Variants in MCTP2 observed in about 807,000 individuals in gnomAD.
MCTP2 encodes the protein multiple C2 and transmembrane domain containing 2, also known as multiple C2 and transmembrane domain-containing protein 2.
In MCTP2, 132 loss-of-function variants were observed where a neutral mutation model predicts 111.6. The observed-to-expected ratio is 1.18, with a 90% confidence interval of 1.03 to 1.37. MCTP2 has a LOEUF of 1.37. Ranked by LOEUF, MCTP2 falls within the 40% of genes most tolerant of loss-of-function variation. MCTP2 has a pLI of 0.00. For missense variants in MCTP2, 1,183 were observed against 1,067.9 expected (o/e 1.11, Z -1.50); for synonymous variants, 395 against 387.7 (o/e 1.02, Z -0.22).
Position 94,401,907 on chromosome 15 carries a change from CAA to C in MCTP2, c.1974_1975del (p.Asp660CysfsTer19). 6.2e-7 allele frequency: 1 copy of C among 1,604,310 alleles called. No homozygotes were observed. Among genetic ancestry groups the C allele is most frequent in the Non-Finnish European group, 8.5e-7 (1 of 1,175,700 alleles). On this transcript the variant is annotated frameshift_variant, in exon 17 of 23. Transcript: ENST00000357742. LOFTEE classifies it high-confidence loss of function. Reference sequence around the variant, plus strand: ...GTCATTTTTTAAAATCAGATCTTATCAAGAGATGTGGACCGTGTGAAAAGAAT... The same window carrying C: ...GTCATTTTTTAAAATCAGATCTTATCGAGATGTGGACCGTGTGAAAAGAAT...
chr15:94,472,827 A>G (rs1013300778), intron 21 of MCTP2, among the ~76,000 whole-genome samples: 2 of 152,214 alleles, frequency 1.3e-5, no homozygotes, highest in African/African-American at 4.8e-5. Flanking sequence ...GACTTATCCT[A>G]AGACAAATTA....
chr15:94,342,046 G>A (rs1441986919), intron 7 of MCTP2: 1 of 152,088 alleles, frequency 6.6e-6, no homozygotes, highest in Non-Finnish European at 1.5e-5. Context: ...TGGGGGCTAG[G>A]TTATAGCATG....
chr15:94,249,259 C>A (rs528818590), intron 1 of MCTP2, among the ~76,000 whole-genome samples: 2 of 152,272 alleles, frequency 1.3e-5, no homozygotes, highest in Non-Finnish European at 2.9e-5. Flanking sequence ...CCTGTATTGG[C>A]TGTTGAATAA....
intron 17 of MCTP2, among the ~76,000 whole-genome samples, chr15:94,430,642 G>A (rs965049974): frequency 6.6e-6 from 1 of 151,860 alleles, no homozygotes; most frequent in Non-Finnish European, 1.5e-5. Flanking sequence ...CAGCTACTTG[G>A]GAGGCTGAGG....
At chr15:94,451,888 C>T (rs73453779) in intron 19 of MCTP2, among the ~76,000 whole-genome samples, 1 of 152,300 alleles carries the variant, frequency 6.6e-6, no homozygotes, top group African/African-American at 2.4e-5. Context: ...TCTTTTGTAG[C>T]TTTGCCTTCT....
At chr15:94,276,046 G>A (rs180949208) in intron 1 of MCTP2, among the ~76,000 whole-genome samples, 4,774 of 151,874 alleles carry the variant, frequency 0.031, 100 homozygotes, top group Non-Finnish European at 0.047. Flanking sequence ...GGATTTCACC[G>A]TGTTAGCCAG....
At chr15:94,430,602 G>A (rs1003582135) in intron 17 of MCTP2, among the ~76,000 whole-genome samples, 1 of 138,592 alleles carries the variant, frequency 7.2e-6, no homozygotes, top group Non-Finnish European at 1.5e-5. Flanking sequence ...AAAAAAATTA[G>A]CTGGGCGTCG....
intron 17 of MCTP2, among the ~76,000 whole-genome samples, chr15:94,430,690 G>A (rs1429316129): frequency 1.3e-5 from 2 of 152,088 alleles, no homozygotes; most frequent in African/African-American, 4.8e-5. Flanking sequence ...GGAGGTTGCA[G>A]TGAGTGAGCT....
chr15:94,340,988 A>G (rs1347679640), intron 7 of MCTP2, 64 bp downstream of exon 7: 2 of 1,017,270 alleles, frequency 2.0e-6, no homozygotes, highest in Non-Finnish European at 1.6e-6. Context: ...GCTCATTGCA[A>G]TTGTCCCTTG....
chr15:94,406,314 T>C (rs2081893531), intron 17 of MCTP2, among the ~76,000 whole-genome samples: 2 of 152,214 alleles, frequency 1.3e-5, no homozygotes, highest in Admixed American at 6.5e-5. Context: ...GTGTATGAGG[T>C]AGAGGTGGAA....
intron 1 of MCTP2, among the ~76,000 whole-genome samples, chr15:94,241,727 A>G (rs945749898): frequency 5.3e-5 from 8 of 152,190 alleles, no homozygotes; most frequent in African/African-American, 1.9e-4. Context: ...GTTTGAGCTA[A>G]GTCACTTTTT....
At chr15:94,311,805 A>G (rs1055072877) in intron 2 of MCTP2, among the ~76,000 whole-genome samples, 2 of 152,240 alleles carry the variant, frequency 1.3e-5, no homozygotes, top group Non-Finnish European at 2.9e-5. Flanking sequence ...TTTTGATAAC[A>G]TGTAAATGAT....
At chr15:94,331,665 G>T (rs976973913) in intron 4 of MCTP2, among the ~76,000 whole-genome samples, 1 of 152,130 alleles carries the variant, frequency 6.6e-6, no homozygotes, top group African/African-American at 2.4e-5. Context: ...CACTGATTTC[G>T]CTGTATATTG....
chr15:94,285,868 AT>A (rs1301450336), intron 1 of MCTP2, among the ~76,000 whole-genome samples: 2 of 152,180 alleles, frequency 1.3e-5, no homozygotes, highest in African/African-American at 4.8e-5. Context: ...CTATTAATGC[AT>A]TATGTTTCCT....
At chr15:94,245,287 T>G (rs190455712) in intron 1 of MCTP2, among the ~76,000 whole-genome samples, 1 of 141,930 alleles carries the variant, frequency 7.0e-6, no homozygotes, top group Non-Finnish European at 1.5e-5. Context: ...TATATACACA[T>G]ATGTATATAT....
chr15:94,268,076 C>T lies in MCTP2; in HGVS notation c.-65-30125C>T, dbSNP rs374974153. 6.0e-5 allele frequency among the ~76,000 whole-genome samples: 9 copies of T among 151,232 alleles called. 1 individual carries two copies. Among genetic ancestry groups the T allele is most frequent in the African/African-American group, 1.7e-4 (7 of 41,192 alleles). ...GAGATGAGGTTTTCACTGTGATAGC[C>T]AGGATGGTCTCAATCTCCTGACCTT... On this transcript the variant is annotated intron_variant, in intron 1 of 22. Coordinates refer to ENST00000357742, the MANE Select transcript of MCTP2 (RefSeq NM_001385001.1).
chr15:94,356,423 T>C (rs552435973), intron 9 of MCTP2, 122 bp downstream of exon 9: 8 of 882,422 alleles, frequency 9.1e-6, no homozygotes, highest in African/African-American at 5.2e-5. Context: ...CCTAACTATA[T>C]TAAAGAGCAG....
chr15:94,390,232 T>C (rs1366152254), intron 14 of MCTP2, among the ~76,000 whole-genome samples: 1 of 151,422 alleles, frequency 6.6e-6, no homozygotes, highest in East Asian at 1.9e-4. Flanking sequence ...GTTCTTTATA[T>C]AGATATAGAA....
intron 14 of MCTP2, among the ~76,000 whole-genome samples, chr15:94,388,239 A>G (rs530459370): frequency 1.3e-5 from 2 of 152,314 alleles, no homozygotes; most frequent in African/African-American, 4.8e-5. Context: ...TCTACCTTGT[A>G]AAATAGCACA....
Sources: allele counts gnomAD v4.1 joint callset (sites outside exome capture counted in the v4.1 genomes callset), GRCh38; gene constraint gnomAD v4.1.1; transcripts MANE v1.5; gene names NCBI Gene and HGNC (gene_info 2026-07-23, HGNC 2026-07-21).